The following ME2 variants were observed in gnomAD, a reference collection of about 807,000 sequenced individuals.
The protein encoded by ME2 is NAD-dependent malic enzyme, mitochondrial.
ME2 carries 60 observed loss-of-function variants against 73.7 expected under a neutral mutation model. The ratio of observed to expected loss-of-function variants is 0.81; its 90% CI spans 0.66 to 1.01. The LOEUF is 1.01. Among genes scored for constraint, ME2 ranks in the 50% least tolerant of loss-of-function variants. The probability of loss-of-function intolerance (pLI) is 0.00; values close to 1 mark genes in which losing one functional copy is unlikely to be tolerated. For missense variants in ME2, 594 were observed against 705.5 expected (o/e 0.84, Z 1.79); for synonymous variants, 199 against 236.9 (o/e 0.84, Z 1.47).
At chr18:50,935,396 AAACTT>A (rs1460085927) in intron 13 of ME2, 2 of 152,030 alleles carry the variant, frequency 1.3e-5, no homozygotes, top group Non-Finnish European at 2.9e-5. Context: ...CCAATCTTAA[AAACTT>A]AAGACAAGTA....
chr18:50,928,194 T>C (rs1917607913), intron 12 of ME2, among the ~76,000 whole-genome samples: 1 of 151,968 alleles, frequency 6.6e-6, no homozygotes, highest in African/African-American at 2.4e-5. Flanking sequence ...ATTATCTATC[T>C]TTTGTTCTGT....
intron 1 of ME2, among the ~76,000 whole-genome samples, chr18:50,879,897 A>G (rs980793003): frequency 1.3e-5 from 2 of 152,170 alleles, no homozygotes; most frequent in African/African-American, 2.4e-5. Flanking sequence ...CTATCTCTGC[A>G]TGTGGTGTTA....
chr18:50,923,976 G>T, intron 10 of ME2, 122 bp from the exon 11 acceptor site: 1 of 618,738 alleles, frequency 1.6e-6, no homozygotes, highest in Non-Finnish European at 2.8e-6. Flanking sequence ...GAAGAGGAAA[G>T]TAAATGAAAA....
chr18:50,921,079 T>C lies in ME2; in HGVS notation c.948T>C (p.Ala316=). 1 of 1,546,860 alleles carries C rather than the reference T, an allele frequency of 6.5e-7. No homozygotes were observed. The highest frequency in any genetic ancestry group is 8.8e-7 in the Non-Finnish European group (1 of 1,139,982). Residue 316 remains alanine (A), a synonymous_variant, in exon 10 of 16, where the codon GCT becomes GCC. Transcript: ENST00000321341. ...KILFLGAGEA[A]LGIANLIVMS... is the part of the protein sequence containing the mutation. ...ATTTATGTTTTGTTGAACAGGCTGC[T>C]CTTGGAATTGCAAATCTTATAGTTA...
At chr18:50,939,510 A>G in intron 13 of ME2, 60 bp from the exon 14 acceptor site, 5 of 1,195,092 alleles carry the variant, frequency 4.2e-6, no homozygotes, top group Admixed American at 1.7e-5. Context: ...GAATATAGGA[A>G]TTTACTTCTT....
chr18:50,935,338 G>A (rs1322211214), intron 13 of ME2: 1 of 152,028 alleles, frequency 6.6e-6, no homozygotes, highest in African/African-American at 2.4e-5. Flanking sequence ...TGGATATACC[G>A]TAAATGCTAT....
intron 3 of ME2, 86 bp downstream of exon 3, chr18:50,908,282 A>T (rs934566779): frequency 1.1e-6 from 1 of 948,454 alleles, no homozygotes; most frequent in Non-Finnish European, 1.5e-6. Context: ...CATGAGAAAT[A>T]CACAATCTTA....
At chr18:50,908,304 G>A (rs1917064687) in intron 3 of ME2, 108 bp downstream of exon 3, 3 of 734,756 alleles carry the variant, frequency 4.1e-6, no homozygotes, top group Non-Finnish European at 4.2e-6. Flanking sequence ...ATAAGTTTGT[G>A]TTTTGTCAGT....
At chr18:50,908,271 G>A in intron 3 of ME2, 75 bp downstream of exon 3, 8 of 1,064,736 alleles carry the variant, frequency 7.5e-6, no homozygotes, top group South Asian at 2.0e-5. Flanking sequence ...GGTTATTATG[G>A]CATGAGAAAT....
At chr18:50,885,201 C>A (rs922088665) in intron 1 of ME2, among the ~76,000 whole-genome samples, 6 of 152,124 alleles carry the variant, frequency 3.9e-5, no homozygotes, top group Admixed American at 6.6e-5. Flanking sequence ...CTGGAAGAGC[C>A]ACATAAACAT....
intron 1 of ME2, among the ~76,000 whole-genome samples, chr18:50,882,928 G>A (rs1457397368): frequency 5.9e-5 from 9 of 151,908 alleles, no homozygotes; most frequent in African/African-American, 1.7e-4. Flanking sequence ...CAGCCTGGGC[G>A]ACAGTGATTT....
intron 12 of ME2, among the ~76,000 whole-genome samples, chr18:50,931,372 A>G (rs536503863): frequency 6.6e-6 from 1 of 152,352 alleles, no homozygotes; most frequent in Admixed American, 6.5e-5. Flanking sequence ...AAAAAAATCT[A>G]GATTAAGATT....
At chr18:50,913,165 T>C in intron 4 of ME2, 1 of 351,462 alleles carries the variant, frequency 2.8e-6, no homozygotes, top group East Asian at 4.8e-5. Context: ...TAATCTTCTT[T>C]AAATTATTGT....
intron 7 of ME2, among the ~76,000 whole-genome samples, chr18:50,918,702 CTTT>C (rs34143282): frequency 1.4e-5 from 2 of 141,750 alleles, no homozygotes; most frequent in Non-Finnish European, 3.1e-5. Context: ...CCACCTTTCT[CTTT>C]TTTTTTTTTT....
Position 50,918,205 on chromosome 18 carries a change from T to C in ME2, c.726T>C (p.Ile242=). The part of the protein sequence containing the change: ...DDLIDEFMKA[I]TDRYGRNTLI... ...TGATTGATGAGTTTATGAAAGCTATTACTGACAGGTATTTTTTAAAAGTTT... is the reference window on the plus strand; with the variant it reads ...TGATTGATGAGTTTATGAAAGCTATCACTGACAGGTATTTTTTAAAAGTTT... The change falls in exon 7 of 16, where the codon ATT becomes ATC. Residue 242 remains isoleucine, a synonymous_variant. Coordinates refer to ENST00000321341, the MANE Select transcript of ME2 (RefSeq NM_002396.5). The C allele has an allele frequency of 6.3e-7, 1 of 1,596,858 alleles. No homozygotes were observed. The highest frequency in any genetic ancestry group is 8.6e-7 in the Non-Finnish European group (1 of 1,168,626).
chr18:50,881,519 C>T (rs1340039565), intron 1 of ME2, among the ~76,000 whole-genome samples: 1 of 152,094 alleles, frequency 6.6e-6, no homozygotes, highest in African/African-American at 2.4e-5. Flanking sequence ...TATTGTACCT[C>T]CTTTGATCAA....
intron 6 of ME2, 100 bp from the exon 7 acceptor site, chr18:50,918,010 A>T (rs1235319956): frequency 7.5e-6 from 5 of 664,088 alleles, no homozygotes; most frequent in Admixed American, 6.8e-5. Context: ...CAATACATTT[A>T]AAAAATTGTA....
chr18:50,940,214 A>G lies in ME2; in HGVS notation c.1489-74A>G, dbSNP rs544064514. 190 of 969,090 alleles carry G rather than the reference A, an allele frequency of 2.0e-4. No individual in the cohort carries two copies. Among genetic ancestry groups the G allele is most frequent in the Middle Eastern group, 4.1e-4 (2 of 4,852 alleles). 60.0% of individuals were successfully genotyped at this position (969,090 alleles called of 1,614,324 possible). A position where few individuals can be genotyped will look rare whatever the true frequency, so the allele number is the denominator to read the frequency against. The stretch of plus-strand genomic sequence containing the variant: ...ACCTGTTTTACTCTCTGTTTCCCCA[A>G]TGCTTTTTCCATTTACTGGGTCCTT... On this transcript the variant is annotated intron_variant, in intron 14 of 15. Transcript: ENST00000321341.
intron 13 of ME2, among the ~76,000 whole-genome samples, chr18:50,938,519 A>G (rs1917868165): frequency 2.0e-5 from 3 of 152,226 alleles, no homozygotes; most frequent in South Asian, 4.1e-4. Flanking sequence ...ACTATCAAAT[A>G]TAAGTAGAAA....
Sources: allele counts gnomAD v4.1 joint callset (sites outside exome capture counted in the v4.1 genomes callset), GRCh38; gene constraint gnomAD v4.1.1; transcripts MANE v1.5; gene names NCBI Gene and HGNC (gene_info 2026-07-23, HGNC 2026-07-21).